Variants in CHPF2 observed in about 807,000 individuals in gnomAD.
The protein encoded by CHPF2 is chondroitin polymerizing factor 2, non-catalytic subunit.
A neutral mutation model predicts 63.0 loss-of-function variants in CHPF2; 58 were observed. The observed-to-expected ratio is 0.92, with a 90% CI of 0.75 to 1.15. CHPF2 has a LOEUF of 1.15. Among genes scored for constraint, CHPF2 ranks in the 50% most tolerant of loss-of-function variants. CHPF2 has a pLI of 0.00. For synonymous variants in CHPF2, 442 were observed against 438.0 expected, an observed-to-expected ratio of 1.01 and a Z score of -0.11; for missense variants, 1,045 against 1,035.4, an observed-to-expected ratio of 1.01 and a Z score of -0.13.
chr7:151,237,252 C>T (rs1203512124), intron 3 of CHPF2, 122 bp from the exon 4 acceptor site: 2 of 687,060 alleles, frequency 2.9e-6, no homozygotes, highest in East Asian at 2.7e-5. Context: ...CAAGGGACCC[C>T]TCACTAAGTG....
At position 151,235,489 on chromosome 7, in the gene CHPF2, C is replaced by G. The variant is rs760446414; in HGVS notation, c.705C>G (p.Leu235=). The change falls in exon 2 of 4, where the codon CTC becomes CTG. Residue 235 remains leucine, a synonymous_variant. Transcript: ENST00000035307. Reference sequence around the variant, plus strand: ...TTGGCTACCTGTTGTCACGGAGTCTCCTGCTTCGTCTGCGGCCACATCTGG... The same window carrying G: ...TTGGCTACCTGTTGTCACGGAGTCTGCTGCTTCGTCTGCGGCCACATCTGG... ...GGFGYLLSRS[L]LLRLRPHLDG... 5.0e-6 allele frequency: 8 copies of G among 1,611,566 alleles called. No homozygotes were observed. Among genetic ancestry groups the G allele is most frequent in the African/African-American group, 1.3e-5 (1 of 75,054 alleles).
chr7:151,237,738 G>T lies in CHPF2; in HGVS notation c.1376G>T (p.Arg459Leu). The T allele has an allele frequency of 6.2e-7, 1 of 1,612,480 alleles. No homozygotes were observed. Among genetic ancestry groups the T allele is most frequent in the Non-Finnish European group, 8.5e-7 (1 of 1,179,882 alleles). ...LLECVTQRGH[R>L]RALARRVSLL... ...GAATGTGTGACACAGCGTGGGCACC[G>T]GCGGGCCCTGGCTCGCAGGGTCAGC... The change falls in exon 4 of 4, where the codon CGG becomes CTG. Residue 459 changes from arginine (R) to leucine (L), a missense_variant. Coordinates refer to ENST00000035307, the MANE Select transcript of CHPF2 (RefSeq NM_019015.3).
rs781740604 is a variant in CHPF2 at position 151,234,294 on chromosome 7, A to G, written c.263+20A>G. ...GCTCAGGTGAGAGCAACATGTGTGC[A>G]TAGTCCCCAGACACTGGCCCTGTTT... On this transcript the variant is annotated intron_variant, in intron 1 of 3. Coordinates refer to ENST00000035307, the MANE Select transcript of CHPF2 (RefSeq NM_019015.3). 2.0e-6 allele frequency: 3 copies of G among 1,518,746 alleles called. No individual in the cohort carries two copies. Among genetic ancestry groups the G allele is most frequent in the Admixed American group, 2.1e-5 (1 of 48,088 alleles). 94.1% of individuals were successfully genotyped at this position (1,518,746 alleles called of 1,614,324 possible).
In CHPF2 at chr7:151,235,369, T is replaced by C. The variant is rs1276708739; in HGVS notation, c.585T>C (p.Leu195=). The C allele has an allele frequency of 4.3e-6, 7 of 1,613,748 alleles. No homozygotes were observed. In the East Asian group the frequency reaches 1.3e-4, roughly 31 times the overall value. The change falls in exon 2 of 4, where the codon CTT becomes CTC. Residue 195 remains leucine (L), a synonymous_variant. Coordinates refer to ENST00000035307, the MANE Select transcript of CHPF2 (RefSeq NM_019015.3). ...TYVQAPRLAA[L]AGHLSINQDL... ...TGCAGGCCCCCCGCCTGGCAGCCCTTGCTGGCCACCTCAGCATCAACCAAG... is the reference window on the plus strand; with the variant it reads ...TGCAGGCCCCCCGCCTGGCAGCCCTCGCTGGCCACCTCAGCATCAACCAAG...
chr7:151,238,156 G>A lies in CHPF2; in HGVS notation c.1794G>A (p.Arg598=). 9.3e-6 allele frequency: 15 copies of A among 1,612,566 alleles called. No individual in the cohort carries two copies. The highest frequency in any genetic ancestry group is 1.3e-5 in the Non-Finnish European group (15 of 1,180,028). The change falls in exon 4 of 4, where the codon AGG becomes AGA. Residue 598 remains arginine, a synonymous_variant. Coordinates refer to ENST00000035307, the MANE Select transcript of CHPF2 (RefSeq NM_019015.3). ...TCTTCCTTACCACCGTGTGGACAAG[G>A]CCTGGGCCCGAAGTCCTCAACCGCT... ...TLFFLTTVWT[R]PGPEVLNRCR...
rs755591268 is a variant in CHPF2 at position 151,238,717 on chromosome 7, T to G, written c.*36T>G. 1.9e-5 allele frequency: 30 copies of G among 1,604,070 alleles called. No homozygotes were observed. The highest frequency in any genetic ancestry group is 2.1e-5 in the Non-Finnish European group (25 of 1,176,228). On this transcript the variant is annotated 3_prime_UTR_variant, in exon 4 of 4. Coordinates refer to ENST00000035307, the MANE Select transcript of CHPF2 (RefSeq NM_019015.3). Reference sequence around the variant, plus strand: ...GGCCCTAACCTCATTACCTTTCCTTTGTCTGCCTCAGCCCCAGGAAGGGCA... The same window carrying G: ...GGCCCTAACCTCATTACCTTTCCTTGGTCTGCCTCAGCCCCAGGAAGGGCA...
Position 151,233,370 on chromosome 7 carries a change from G to C in CHPF2, c.-642G>C. On this transcript the variant is annotated 5_prime_UTR_variant, in exon 1 of 4. Transcript: ENST00000035307. The stretch of plus-strand genomic sequence containing the variant: ...TCCAGACCGCTCCTGAGTGGGAGGA[G>C]GGGTTCCTGTAGCCGTTGCGTCTTC... The C allele has an allele frequency of 1.0e-6, 1 of 984,866 alleles. No individual in the cohort carries two copies. The highest frequency in any genetic ancestry group is 1.2e-6 in the Non-Finnish European group (1 of 829,286). The allele number at this position is 984,866 out of a possible 1,614,324, so 61.0% of individuals were successfully genotyped here. A position where few individuals can be genotyped will look rare whatever the true frequency, so the allele number is the denominator to read the frequency against.
chr7:151,233,761 T>C lies in CHPF2; in HGVS notation c.-251T>C. On this transcript the variant is annotated 5_prime_UTR_variant, in exon 1 of 4. Coordinates refer to ENST00000035307, the MANE Select transcript of CHPF2 (RefSeq NM_019015.3). The stretch of plus-strand genomic sequence containing the variant: ...TGTGAGTGAAATTGATTGTTTCATT[T>C]ATTACCGTTTTGGCTGGGGGTTAGT... 8.2e-7 allele frequency: 1 copy of C among 1,216,350 alleles called. No individual in the cohort carries two copies. Among genetic ancestry groups the C allele is most frequent in the Non-Finnish European group, 1.0e-6 (1 of 978,170 alleles). 75.3% of individuals were successfully genotyped at this position (1,216,350 alleles called of 1,614,324 possible).
In CHPF2 at chr7:151,233,778, G is replaced by C; in HGVS notation, c.-234G>C. ...GTTTCATTTATTACCGTTTTGGCTG[G>C]GGGTTAGTTCCGACACCTTCACAGT... On this transcript the variant is annotated 5_prime_UTR_variant, in exon 1 of 4. Transcript: ENST00000035307. The C allele has an allele frequency of 8.1e-7, 1 of 1,229,796 alleles. No homozygotes were observed. Among genetic ancestry groups the C allele is most frequent in the South Asian group, 3.9e-5 (1 of 25,430 alleles). The allele number at this position is 1,229,796 out of a possible 1,614,324, so 76.2% of individuals were successfully genotyped here. A position where few individuals can be genotyped will look rare whatever the true frequency, so the allele number is the denominator to read the frequency against.
Position 151,233,021 on chromosome 7 carries a change from C to G in CHPF2, c.-991C>G. ...GAGAGGTAGCGCAGGGGCTGTGGGC[C>G]CCCGGCAGGGGTCCTGTCGGAAGCT... On this transcript the variant is annotated 5_prime_UTR_variant, in exon 1 of 4. Transcript: ENST00000035307. The G allele has an allele frequency of 7.9e-7, 1 of 1,266,862 alleles. No homozygotes were observed. The highest frequency in any genetic ancestry group is 9.9e-7 in the Non-Finnish European group (1 of 1,005,496). The allele number at this position is 1,266,862 out of a possible 1,614,324, so 78.5% of individuals were successfully genotyped here. A position where few individuals can be genotyped will look rare whatever the true frequency, so the allele number is the denominator to read the frequency against.
In CHPF2 at chr7:151,234,104, T is replaced by A. The variant is rs546877112; in HGVS notation, c.93T>A (p.Val31=). The A allele has an allele frequency of 3.1e-6, 5 of 1,610,310 alleles. No homozygotes were observed. The Admixed American group carries it at 6.7e-5, about 22-fold the overall frequency. The stretch of plus-strand genomic sequence containing the variant: ...GGTGCAGCCTGAGCCTCCTGCGGGT[T>A]TCCTGGATCCAGGGGGAGGGAGAAG... ...SLGCSLSLLR[V]SWIQGEGEDP... Residue 31 remains valine, a synonymous_variant, in exon 1 of 4, where the codon GTT becomes GTA. Coordinates refer to ENST00000035307, the MANE Select transcript of CHPF2 (RefSeq NM_019015.3).
rs1030454373 is a variant in CHPF2, at chr7:151,237,970, T to C, written c.1608T>C (p.Arg536=). 1 of 1,613,160 alleles carries C rather than the reference T, an allele frequency of 6.2e-7. No homozygotes were observed. The highest frequency in any genetic ancestry group is 1.3e-5 in the African/African-American group (1 of 75,048). The stretch of plus-strand genomic sequence containing the variant: ...TCTACGGGCCACGAGAAGGTGGCCG[T>C]GGAGCTCCAGACCCATTTCTTGGGG... The part of the protein sequence containing the change: ...LLVYGPREGG[R]GAPDPFLGVK... Residue 536 remains arginine (R), a synonymous_variant, in exon 4 of 4, where the codon CGT becomes CGC. Transcript: ENST00000035307.
At position 151,234,238 on chromosome 7, in the gene CHPF2, A is replaced by G; in HGVS notation, c.227A>G (p.Tyr76Cys). 4 of 1,607,354 alleles carry G rather than the reference A, an allele frequency of 2.5e-6. No homozygotes were observed. Among genetic ancestry groups the G allele is most frequent in the Non-Finnish European group, 3.4e-6 (4 of 1,176,680 alleles). Residue 76 changes from tyrosine (Y) to cysteine (C), a missense_variant, in exon 1 of 4, where the codon TAC becomes TGC. By Grantham distance (194) the Tyr-to-Cys change is radical. Coordinates refer to ENST00000035307, the MANE Select transcript of CHPF2 (RefSeq NM_019015.3). ...EDFKPRIVPY[Y>C]RDPNKPYKKV... is the part of the protein sequence containing the mutation. ...TTCAAACCCCGGATTGTCCCCTACT[A>G]CAGGGACCCCAACAAGCCCTACAAG...
At chr7:151,234,815 G>A (rs57743449) in intron 1 of CHPF2, among the ~76,000 whole-genome samples, 2,552 of 152,220 alleles carry the variant, frequency 0.017, 71 homozygotes, top group African/African-American at 0.058. Flanking sequence ...TTGAACAGAG[G>A]AGGAATTGCA....
rs1245446101 is a variant in CHPF2, at chr7:151,238,466, C to T, written c.2104C>T (p.Leu702=). Residue 702 remains leucine (L), a synonymous_variant, in exon 4 of 4, where the codon CTG becomes TTG. Coordinates refer to ENST00000035307, the MANE Select transcript of CHPF2 (RefSeq NM_019015.3). ...GQEEEEALEG[L]EVMDVFLRFS... is the part of the protein sequence containing the mutation. ...GGAAGAGGAGGAAGCCCTGGAGGGGCTGGAGGTGATGGATGTTTTCCTCCG... is the reference window on the plus strand; with the variant it reads ...GGAAGAGGAGGAAGCCCTGGAGGGGTTGGAGGTGATGGATGTTTTCCTCCG... 5 of 1,586,538 alleles carry T rather than the reference C, an allele frequency of 3.2e-6. No individual in the cohort carries two copies. Among genetic ancestry groups the T allele is most frequent in the Non-Finnish European group, 4.3e-6 (5 of 1,163,884 alleles).
intron 1 of CHPF2, 28 bp from the exon 2 acceptor site, chr7:151,235,020 G>A (rs898668257): frequency 6.6e-7 from 1 of 1,511,054 alleles, no homozygotes; most frequent in Non-Finnish European, 8.9e-7. Context: ...TTAGGGAGTT[G>A]ACCTCTGGCA....
rs2150584961 is a variant in CHPF2 at position 151,237,558 on chromosome 7, G to T, written c.1196G>T (p.Ser399Ile). The T allele has an allele frequency of 6.2e-7, 1 of 1,613,912 alleles. No individual in the cohort carries two copies. The highest frequency in any genetic ancestry group is 1.3e-5 in the African/African-American group (1 of 75,074). The change falls in exon 4 of 4, where the codon AGC (serine) becomes ATC (isoleucine). Residue 399 changes from serine (S) to isoleucine (I), a missense_variant. Coordinates refer to ENST00000035307, the MANE Select transcript of CHPF2 (RefSeq NM_019015.3). ...CCCAAGTGCCCACTACAGGGGGCTA[G>T]CAGGGCGGACGTGGGTGATGCGTTG... ...GAPKCPLQGA[S>I]RADVGDALET...
intron 3 of CHPF2, chr7:151,236,938 A>G (rs1167517870): frequency 1.9e-6 from 1 of 525,914 alleles, no homozygotes; most frequent in East Asian, 5.0e-5. Flanking sequence ...AAAAACTCTG[A>G]AGTTTCTTTA....
rs550460744 is a variant in CHPF2, at chr7:151,233,462, A to G, written c.-550A>G. The G allele has an allele frequency of 2.7e-5, 27 of 985,572 alleles. No homozygotes were observed. Among genetic ancestry groups the G allele is most frequent in the Non-Finnish European group, 3.3e-5 (27 of 830,134 alleles). 61.1% of individuals were successfully genotyped at this position (985,572 alleles called of 1,614,324 possible). A position where few individuals can be genotyped will look rare whatever the true frequency, so the allele number is the denominator to read the frequency against. On this transcript the variant is annotated 5_prime_UTR_variant, in exon 1 of 4. Coordinates refer to ENST00000035307, the MANE Select transcript of CHPF2 (RefSeq NM_019015.3). ...CCCTTGTGCCCACCGGGCCTGCCGC[A>G]GTGGCTCAGCAGCCCCTTCAGTAGC...
Sources: gnomAD v4.1 joint callset for allele counts (sites outside exome capture counted in the v4.1 genomes callset) on GRCh38, gnomAD v4.1.1 for gene constraint, MANE v1.5 for transcripts, NCBI Gene and HGNC (gene_info 2026-07-23, HGNC 2026-07-21) for gene names.